DGKB: variants seen among roughly 807,000 people sequenced by gnomAD.
DGKB encodes the protein diacylglycerol kinase beta.
A neutral mutation model predicts 114.3 loss-of-function variants in DGKB; 67 were observed. That is an observed-to-expected ratio of 0.59 (90% CI 0.48 to 0.72). The LOEUF is 0.72. Among genes scored for constraint, DGKB ranks in the 30% least tolerant of loss-of-function variants. DGKB has a pLI of 0.00. For synonymous variants in DGKB, 398 were observed against 323.1 expected, an observed-to-expected ratio of 1.23 and a Z score of -2.49; for missense variants, 907 against 975.2, an observed-to-expected ratio of 0.93 and a Z score of 0.93.
intron 13 of DGKB, among the ~76,000 whole-genome samples, chr7:14,648,257 T>G (rs946347950): frequency 6.6e-6 from 1 of 152,272 alleles, no homozygotes; most frequent in African/African-American, 2.4e-5. Flanking sequence ...CTGACAGCTT[T>G]GAAGAGAGCA....
chr7:14,432,816 T>G (rs910851782), intron 21 of DGKB, among the ~76,000 whole-genome samples: 1 of 152,142 alleles, frequency 6.6e-6, no homozygotes, highest in Non-Finnish European at 1.5e-5. Flanking sequence ...CTCTTTCCCT[T>G]GTCTTTCTTT....
chr7:14,551,338 T>C (rs946527379), intron 20 of DGKB, among the ~76,000 whole-genome samples: 1 of 152,222 alleles, frequency 6.6e-6, no homozygotes, highest in African/African-American at 2.4e-5. Context: ...GATAAGGTTT[T>C]CATTTTCATG....
intron 23 of DGKB, among the ~76,000 whole-genome samples, chr7:14,232,916 A>G (rs558069844): frequency 2.1e-4 from 32 of 152,128 alleles, no homozygotes; most frequent in African/African-American, 5.8e-4. Flanking sequence ...ACAAGCTCTA[A>G]TGTGTCAATT....
chr7:14,652,136 T>C (rs1814662604), intron 13 of DGKB, among the ~76,000 whole-genome samples: 1 of 133,594 alleles, frequency 7.5e-6, no homozygotes, highest in African/African-American at 2.8e-5. Flanking sequence ...CTTCACAGAA[T>C]TGGAAAAAAC....
rs190211705 is a variant in DGKB, at chr7:14,878,037, G to A, written c.-188+24555C>T. Among the ~76,000 whole-genome samples, 332 of 150,918 alleles carry A rather than the reference G, an allele frequency of 2.2e-3. 1 individual carries two copies. The highest frequency in any genetic ancestry group is 8.0e-3 in the African/African-American group (328 of 41,084). On this transcript the variant is annotated intron_variant, in intron 1 of 25. Coordinates refer to ENST00000402815, the MANE Select transcript of DGKB (RefSeq NM_001350709.2). ...ACTTTTAATTCATCGATCTTATGGTGACTTTAGGATTGCCCCAAAACAGAA... is the reference window on the plus strand; with the variant it reads ...ACTTTTAATTCATCGATCTTATGGTAACTTTAGGATTGCCCCAAAACAGAA...
Position 14,149,121 on chromosome 7 carries a change from C to G in DGKB, c.*10G>C, listed in dbSNP as rs1438295693. On this transcript the variant is annotated 3_prime_UTR_variant, in exon 26 of 26. Transcript: ENST00000402815. ...GCTAATTCAATTTCTAAGAGTGAAA[C>G]AACACAGGATTATTCCTTGCTTCGG... 1 of 1,609,880 alleles carries G rather than the reference C, an allele frequency of 6.2e-7. No homozygotes were observed. Among genetic ancestry groups the G allele is most frequent in the Non-Finnish European group, 8.5e-7 (1 of 1,176,306 alleles).
intron 23 of DGKB, chr7:14,190,665 A>G (rs1784160028): frequency 6.6e-6 from 1 of 152,178 alleles, no homozygotes; most frequent in South Asian, 2.1e-4. Context: ...GGCTAACTAA[A>G]AAAAAGAAAG....
At chr7:14,239,907 A>G (rs767630791) in intron 23 of DGKB, among the ~76,000 whole-genome samples, 1 of 152,110 alleles carries the variant, frequency 6.6e-6, no homozygotes, top group Non-Finnish European at 1.5e-5. Flanking sequence ...ACTAATACGT[A>G]TCTATTTTAC....
intron 1 of DGKB, among the ~76,000 whole-genome samples, chr7:14,971,030 C>A (rs1382810392): frequency 2.0e-5 from 3 of 152,116 alleles, no homozygotes; most frequent in Non-Finnish European, 4.4e-5. Flanking sequence ...CTTTCATTTT[C>A]CCAAGGAGTC....
chr7:14,874,068 TCAAA>T, intron 1 of DGKB, among the ~76,000 whole-genome samples: 1 of 152,228 alleles, frequency 6.6e-6, no homozygotes, highest in East Asian at 1.9e-4. Flanking sequence ...CACCTATGTA[TCAAA>T]CAAAGGTTGA....
chr7:14,765,444 T>C (rs1836309341), intron 2 of DGKB, among the ~76,000 whole-genome samples: 1 of 151,792 alleles, frequency 6.6e-6, no homozygotes, highest in South Asian at 2.1e-4. Context: ...ATGAAGAAAA[T>C]TTCCTTTCTC....
chr7:14,923,983 C>CAAAAAAA lies in DGKB; in HGVS notation c.-188+50706_-188+50712dup, dbSNP rs56032330. Among the ~76,000 whole-genome samples the CAAAAAAA allele has an allele frequency of 4.9e-4, 37 of 76,160 alleles. 2 individuals are homozygous for CAAAAAAA. The highest frequency in any genetic ancestry group is 7.2e-4 in the East Asian group (1 of 1,384). 50.0% of individuals were successfully genotyped at this position (76,160 alleles called of 152,430 possible). A position where few individuals can be genotyped will look rare whatever the true frequency, so the allele number is the denominator to read the frequency against. ...TGGGCAACACAGTGAAGCTCCATCT[C>CAAAAAAA]AAAAAAAAAAAAAAAAAAAAAGCTT... On this transcript the variant is annotated intron_variant, in intron 1 of 4. Coordinates refer to the DGKB transcript ENST00000437998.
intron 20 of DGKB, among the ~76,000 whole-genome samples, chr7:14,501,382 A>G (rs1423946063): frequency 1.7e-4 from 4 of 23,282 alleles, no homozygotes; most frequent in Non-Finnish European, 2.8e-4. Flanking sequence ...TGATTGAGCA[A>G]CTTATAATTT....
chr7:14,151,612 G>A (rs1003016252), intron 25 of DGKB, among the ~76,000 whole-genome samples: 1 of 151,970 alleles, frequency 6.6e-6, no homozygotes. Context: ...ATAATGGCCA[G>A]TACTATTTTA....
At position 14,235,632 on chromosome 7, in the gene DGKB, T is replaced by A. The variant is rs138385652; in HGVS notation, c.2123-57481A>T. 2.6e-3 allele frequency among the ~76,000 whole-genome samples: 402 copies of A among 152,202 alleles called. 2 individuals are homozygous for A. Among genetic ancestry groups the A allele is most frequent in the African/African-American group, 9.3e-3 (388 of 41,550 alleles). On this transcript the variant is annotated intron_variant, in intron 23 of 25. Coordinates refer to ENST00000402815, the MANE Select transcript of DGKB (RefSeq NM_001350709.2). ...CAGCATATTGTTTATAATATTTGCT[T>A]AGAGTGTAATGTGGAAACCTGAAGT...
intron 2 of DGKB, among the ~76,000 whole-genome samples, chr7:14,807,814 A>T (rs1454436649): frequency 6.6e-6 from 1 of 152,022 alleles, no homozygotes; most frequent in East Asian, 1.9e-4. Flanking sequence ...GTTCTAAAAA[A>T]TTGTGTATTA....
At chr7:14,273,471 A>G (rs1798555061) in intron 23 of DGKB, among the ~76,000 whole-genome samples, 2 of 152,230 alleles carry the variant, frequency 1.3e-5, no homozygotes, top group South Asian at 2.1e-4. Flanking sequence ...GTACATATGT[A>G]GTTTATGGAT....
chr7:14,789,733 A>AT (rs963985664), intron 2 of DGKB, among the ~76,000 whole-genome samples: 1 of 146,506 alleles, frequency 6.8e-6, no homozygotes, highest in East Asian at 2.0e-4. Context: ...TTAAAAAAAA[A>AT]TTTTGCAGAG....
chr7:14,724,254 A>G (rs1464139184), intron 5 of DGKB, among the ~76,000 whole-genome samples: 1 of 152,220 alleles, frequency 6.6e-6, no homozygotes, highest in Non-Finnish European at 1.5e-5. Context: ...TAGCATAGAT[A>G]ATCAGAATAA....
Sources: allele counts gnomAD v4.1 joint callset (sites outside exome capture counted in the v4.1 genomes callset), GRCh38; gene constraint gnomAD v4.1.1; transcripts MANE v1.5; gene names NCBI Gene and HGNC (gene_info 2026-07-23, HGNC 2026-07-21).